SRCIN1: variants seen among roughly 807,000 people sequenced by gnomAD.
The protein encoded by SRCIN1 is P130Cas-associated protein.
A neutral mutation model predicts 116.2 loss-of-function variants in SRCIN1; 50 were observed. That is an observed-to-expected ratio of 0.43 (90% CI 0.34 to 0.54). The LOEUF (loss-of-function observed/expected upper bound fraction) is 0.54, where lower values mean the gene tolerates loss of function less well. Ranked by LOEUF, SRCIN1 falls within the 20% of genes least tolerant of loss-of-function variation. SRCIN1 has a pLI of 0.02. For missense variants in SRCIN1, 1,446 were observed against 1,672.0 expected (o/e 0.86, Z 2.36); for synonymous variants, 736 against 750.0 (o/e 0.98, Z 0.30).
chr17:38,603,473 C>T (rs1004240236), intron 1 of SRCIN1, among the ~76,000 whole-genome samples: 1 of 152,088 alleles, frequency 6.6e-6, no homozygotes, highest in Non-Finnish European at 1.5e-5. Context: ...CAGCACTCCC[C>T]GAGGACCACA....
At chr17:38,577,241 G>C (rs1907472195) in intron 2 of SRCIN1, among the ~76,000 whole-genome samples, 1 of 152,120 alleles carries the variant, frequency 6.6e-6, no homozygotes, top group South Asian at 2.1e-4. Context: ...TCCCCAGCTA[G>C]ATGACAAATG....
At chr17:38,569,849 C>G (rs1362069400) in intron 2 of SRCIN1, among the ~76,000 whole-genome samples, 2 of 152,042 alleles carry the variant, frequency 1.3e-5, no homozygotes, top group Admixed American at 1.3e-4. Flanking sequence ...CAGGCTCCAG[C>G]GGCAGCTGAC....
At chr17:38,564,339 G>A (rs1178506716) in intron 3 of SRCIN1, 26 bp from the exon 4 acceptor site, 1 of 1,504,244 alleles carries the variant, frequency 6.6e-7, no homozygotes, top group East Asian at 2.5e-5. Flanking sequence ...AGGGTGAGAG[G>A]AACCAAGGAT....
rs965185345 is a variant in SRCIN1, at chr17:38,604,312, G to C, written c.22+1372C>G. On this transcript the variant is annotated intron_variant, in intron 1 of 18. Coordinates refer to ENST00000617146, the MANE Select transcript of SRCIN1 (RefSeq NM_025248.3). This position sits in a 1 kb window ranked among gnomAD's most constrained non-coding sequence, Gnocchi z 4.3. Reference sequence around the variant, plus strand: ...TCTCCCTTCCCCAAAACAGACAGCAGCTCCTCCATCTCCTTTTGAAAGGCT... The same window carrying C: ...TCTCCCTTCCCCAAAACAGACAGCACCTCCTCCATCTCCTTTTGAAAGGCT... 2.6e-5 allele frequency among the ~76,000 whole-genome samples: 4 copies of C among 152,120 alleles called. No individual in the cohort carries two copies. The highest frequency in any genetic ancestry group is 5.9e-5 in the Non-Finnish European group (4 of 68,022).
Position 38,568,083 on chromosome 17 carries a change from C to T in SRCIN1, c.345+128G>A. 8.5e-7 allele frequency: 1 copy of T among 1,175,076 alleles called. No homozygotes were observed. Among genetic ancestry groups the T allele is most frequent in the Non-Finnish European group, 1.2e-6 (1 of 804,066 alleles). The allele number at this position is 1,175,076 out of a possible 1,614,324, so 72.8% of individuals were successfully genotyped here. A position where few individuals can be genotyped will look rare whatever the true frequency, so the allele number is the denominator to read the frequency against. ...AGCCACAGCCTGCAGCCCCGAGGCC[C>T]ACCGCCCATACCAGAAGGTGTCCGT... On this transcript the variant is annotated intron_variant, in intron 3 of 18. Coordinates refer to ENST00000617146, the MANE Select transcript of SRCIN1 (RefSeq NM_025248.3). The surrounding 1 kb of genome is among the most constrained non-coding windows in gnomAD (Gnocchi z 4.5).
At chr17:38,597,727 C>T (rs973422335) in intron 1 of SRCIN1, among the ~76,000 whole-genome samples, 2 of 152,200 alleles carry the variant, frequency 1.3e-5, no homozygotes, top group African/African-American at 4.8e-5. Context: ...TCCACTCCCA[C>T]CCCTCTCTCA....
intron 1 of SRCIN1, among the ~76,000 whole-genome samples, chr17:38,601,579 G>A (rs1189336844): frequency 2.0e-5 from 3 of 152,102 alleles, no homozygotes; most frequent in East Asian, 1.9e-4. Flanking sequence ...CAATGTCAGG[G>A]CAAGGTGCCT....
In SRCIN1 at chr17:38,552,234, A is replaced by T; in HGVS notation, c.2481-102T>A. 6.6e-7 allele frequency: 1 copy of T among 1,508,296 alleles called. No homozygotes were observed. 93.4% of individuals were successfully genotyped at this position (1,508,296 alleles called of 1,614,324 possible). A position where few individuals can be genotyped will look rare whatever the true frequency, so the allele number is the denominator to read the frequency against. On this transcript the variant is annotated intron_variant, in intron 13 of 18. Transcript: ENST00000617146. This position sits in a 1 kb window ranked among gnomAD's most constrained non-coding sequence, Gnocchi z 5.3. ...GGTGGGGTGGGAGGCAGGCTCTGGG[A>T]TGCTGTGGGAGGGCCTGGGGAGGAG... is the stretch of plus-strand genomic sequence containing the variant.
chr17:38,554,393 T>G (rs1256227727), intron 11 of SRCIN1, among the ~76,000 whole-genome samples: 1 of 152,292 alleles, frequency 6.6e-6, no homozygotes. Context: ...TCTGAGGTGC[T>G]ACATGTGCTG....
chr17:38,583,384 A>G (rs1907925734), intron 1 of SRCIN1, among the ~76,000 whole-genome samples: 2 of 151,892 alleles, frequency 1.3e-5, no homozygotes, highest in African/African-American at 2.4e-5. Flanking sequence ...CAGCCTCATT[A>G]ATTTACTTAC....
At chr17:38,539,048 C>T (rs1476952563) in intron 18 of SRCIN1, among the ~76,000 whole-genome samples, 1 of 152,212 alleles carries the variant, frequency 6.6e-6, no homozygotes, top group Non-Finnish European at 1.5e-5. Context: ...TTCAGATTTG[C>T]TTTGGCTGTT....
At position 38,563,642 on chromosome 17, in the gene SRCIN1, C is replaced by G; in HGVS notation, c.542-121G>C. 3.6e-6 allele frequency: 5 copies of G among 1,372,896 alleles called. No individual in the cohort carries two copies. Among genetic ancestry groups the G allele is most frequent in the Non-Finnish European group, 5.0e-6 (5 of 998,472 alleles). 85.0% of individuals were successfully genotyped at this position (1,372,896 alleles called of 1,614,324 possible). A position where few individuals can be genotyped will look rare whatever the true frequency, so the allele number is the denominator to read the frequency against. ...CAGCGGCAGGGTCTGAGGCTAGACG[C>G]CGCCCCCGAGTGCAGATGCACCCAG... On this transcript the variant is annotated intron_variant, in intron 4 of 18. Transcript: ENST00000617146. This position sits in a 1 kb window ranked among gnomAD's most constrained non-coding sequence, Gnocchi z 5.8.
At chr17:38,580,057 C>A (rs1907697086) in intron 1 of SRCIN1, among the ~76,000 whole-genome samples, 1 of 152,188 alleles carries the variant, frequency 6.6e-6, no homozygotes, top group Non-Finnish European at 1.5e-5. Flanking sequence ...GCACTCCCGC[C>A]CCCGTGTGGC....
intron 9 of SRCIN1, 23 bp from the exon 10 acceptor site, chr17:38,559,795 G>C: frequency 1.4e-6 from 2 of 1,479,568 alleles, no homozygotes; most frequent in East Asian, 4.9e-5. Context: ...ACGAGGATGG[G>C]AGAAAGTGAA....
intron 1 of SRCIN1, among the ~76,000 whole-genome samples, chr17:38,579,239 G>C (rs542708040): frequency 1.3e-5 from 2 of 152,278 alleles, no homozygotes; most frequent in Admixed American, 6.5e-5. Context: ...AAATGAGCTC[G>C]TAGTCTTCCT....
At position 38,585,106 on chromosome 17, in the gene SRCIN1, G is replaced by C. The variant is rs772749910; in HGVS notation, c.23-6315C>G. Among the ~76,000 whole-genome samples the C allele has an allele frequency of 9.9e-5, 15 of 152,218 alleles. No individual in the cohort carries two copies. The highest frequency in any genetic ancestry group is 2.1e-4 in the Non-Finnish European group (14 of 68,036). On this transcript the variant is annotated intron_variant, in intron 1 of 18. Transcript: ENST00000617146. The surrounding 1 kb of genome is among the most constrained non-coding windows in gnomAD (Gnocchi z 4.2). ...CGACCCACTGCCTGGGCAGGGGTAGGAGCTGGGTTATAGCCCTGGCAGGAA... is the reference window on the plus strand; with the variant it reads ...CGACCCACTGCCTGGGCAGGGGTAGCAGCTGGGTTATAGCCCTGGCAGGAA...
Position 38,548,588 on chromosome 17 carries a change from T to A in SRCIN1, c.3239A>T (p.Asp1080Val). ...PIMASAIKDE[D>V]DEDRIIAELE... ...CTCTGCGATGATGCGATCCTCGTCA[T>A]CCTCGTCCTTGATGGCCGAGGCCAT... The change falls in exon 17 of 19, where the codon GAT (aspartate) becomes GTT (valine). Residue 1080 changes from aspartate to valine, a missense_variant. Asp to Val is a radical substitution (Grantham distance 152). Coordinates refer to ENST00000617146, the MANE Select transcript of SRCIN1 (RefSeq NM_025248.3). The A allele has an allele frequency of 6.2e-7, 1 of 1,612,714 alleles. No individual in the cohort carries two copies.
intron 3 of SRCIN1, among the ~76,000 whole-genome samples, chr17:38,565,482 T>C (rs1419892963): frequency 6.6e-6 from 1 of 152,174 alleles, no homozygotes; most frequent in Admixed American, 6.5e-5. Context: ...TATCTCAGGG[T>C]TGACAGTTTT....
chr17:38,601,627 T>TACACACACACGC (rs1003107042), intron 1 of SRCIN1, among the ~76,000 whole-genome samples: 1 of 140,052 alleles, frequency 7.1e-6, no homozygotes, highest in Non-Finnish European at 1.6e-5. Flanking sequence ...CCTCAACACA[T>TACACACACACGC]ACACACACAC....
Sources: gnomAD v4.1 joint callset for allele counts (sites outside exome capture counted in the v4.1 genomes callset) on GRCh38, gnomAD v4.1.1 for gene constraint, Gnocchi (gnomAD v3.1) non-coding constraint, MANE v1.5 for transcripts, NCBI Gene and HGNC (gene_info 2026-07-23, HGNC 2026-07-21) for gene names.